The following TLCD4 variants were observed in gnomAD, a reference collection of about 807,000 sequenced individuals.
TLCD4 encodes TLC domain containing 4.
A neutral mutation model predicts 24.2 loss-of-function variants in TLCD4; 7 were observed. The observed-to-expected ratio is 0.29, with a 90% CI of 0.16 to 0.54. The LOEUF is 0.54. TLCD4 is among the 20% of genes least tolerant of loss of function. The pLI is 0.95. For missense variants in TLCD4, 259 were observed against 313.9 expected (o/e 0.82, Z 1.32); for synonymous variants, 103 against 106.4 (o/e 0.97, Z 0.20).
At chr1:95,189,728 A>G (rs1157014107) in intron 6 of TLCD4, among the ~76,000 whole-genome samples, 2 of 152,132 alleles carry the variant, frequency 1.3e-5, no homozygotes, top group Non-Finnish European at 1.5e-5. Context: ...GTTTATTTTT[A>G]TTGCTAAGTA....
intron 2 of TLCD4, among the ~76,000 whole-genome samples, chr1:95,144,385 T>C (rs1188796982): frequency 1.3e-5 from 2 of 152,128 alleles, no homozygotes; most frequent in Non-Finnish European, 2.9e-5. Flanking sequence ...GAAACAAAGA[T>C]GGAAGAAAAA....
At position 95,150,233 on chromosome 1, in the gene TLCD4, A is replaced by G; in HGVS notation, c.271A>G (p.Asn91Asp). ...LWGGPSLANVNIAIASGYLIS... is the reference protein window; with the variant it reads ...LWGGPSLANVDIAIASGYLIS... ...GGGTGGTCCATCACTTGCAAACGTG[A>G]ATATTGCTATTGCCTCAGGCTACCT... is the stretch of plus-strand genomic sequence containing the variant. Residue 91 changes from asparagine to aspartate, a missense_variant, in exon 4 of 7, where the codon AAT becomes GAT. Physicochemically the swap from Asn to Asp is conservative, Grantham distance 23. Coordinates refer to ENST00000370203, the MANE Select transcript of TLCD4 (RefSeq NM_152487.3). The G allele has an allele frequency of 6.2e-7, 1 of 1,610,458 alleles. No individual in the cohort carries two copies. Among genetic ancestry groups the G allele is most frequent in the Non-Finnish European group, 8.5e-7 (1 of 1,179,410 alleles).
Position 95,195,819 on chromosome 1 carries a change from G to A in TLCD4, c.*3951G>A, listed in dbSNP as rs1221131920. On this transcript the variant is annotated 3_prime_UTR_variant, in exon 7 of 7. Coordinates refer to ENST00000370203, the MANE Select transcript of TLCD4 (RefSeq NM_152487.3). ...AGAGTGCTTTTCCCTTAAACGCCGT[G>A]ATAGTCCTCCCTTGATCTAGAAGTA... The A allele has an allele frequency of 6.6e-6, 1 of 152,128 alleles. No individual in the cohort carries two copies. The allele number at this position is 152,128 out of a possible 1,614,324, so 9.4% of individuals were successfully genotyped here.
At chr1:95,145,462 A>G (rs1393063243) in intron 2 of TLCD4, among the ~76,000 whole-genome samples, 1 of 152,012 alleles carries the variant, frequency 6.6e-6, no homozygotes, top group Non-Finnish European at 1.5e-5. Flanking sequence ...AGTTCTTTTC[A>G]CCCAAAAAGC....
At chr1:95,153,837 C>T (rs1039803346) in intron 5 of TLCD4, among the ~76,000 whole-genome samples, 4 of 152,046 alleles carry the variant, frequency 2.6e-5, no homozygotes, top group African/African-American at 9.7e-5. Flanking sequence ...CTTGAAATGT[C>T]CCTGGAAATG....
rs927109782 is a variant in TLCD4 at position 95,191,944 on chromosome 1, G to C, written c.*76G>C. On this transcript the variant is annotated 3_prime_UTR_variant, in exon 7 of 7. Transcript: ENST00000370203. ...TAGGATGAATTCTTGGCATGTTCTT[G>C]TGTACCTTTCTTAATTATAATTGTT... The C allele has an allele frequency of 4.0e-6, 6 of 1,509,606 alleles. No homozygotes were observed. Among genetic ancestry groups the C allele is most frequent in the Admixed American group, 4.6e-5 (2 of 43,158 alleles). The allele number at this position is 1,509,606 out of a possible 1,614,324, so 93.5% of individuals were successfully genotyped here. A position where few individuals can be genotyped will look rare whatever the true frequency, so the allele number is the denominator to read the frequency against.
At chr1:95,123,689 A>C (rs1415498426) in intron 1 of TLCD4, among the ~76,000 whole-genome samples, 2 of 152,180 alleles carry the variant, frequency 1.3e-5, no homozygotes, top group African/African-American at 2.4e-5. Context: ...ATGTGCCCAG[A>C]GTTATTTAGT....
chr1:95,122,139 A>C (rs528708592), intron 1 of TLCD4, among the ~76,000 whole-genome samples: 4 of 152,300 alleles, frequency 2.6e-5, no homozygotes, highest in Admixed American at 6.5e-5. Flanking sequence ...AGATCACCTA[A>C]GTGAAGAGTT....
intron 2 of TLCD4, among the ~76,000 whole-genome samples, chr1:95,146,506 A>T (rs1291858605): frequency 6.6e-6 from 1 of 152,074 alleles, no homozygotes; most frequent in African/African-American, 2.4e-5. Context: ...TTAGAGTGCT[A>T]TCCCTTTATA....
At chr1:95,174,711 T>C (rs949587039) in intron 6 of TLCD4, among the ~76,000 whole-genome samples, 1 of 152,118 alleles carries the variant, frequency 6.6e-6, no homozygotes, top group African/African-American at 2.4e-5. Context: ...AGACTACTTT[T>C]ATTTTAAATA....
At chr1:95,155,171 G>A (rs1677599062) in intron 5 of TLCD4, among the ~76,000 whole-genome samples, 1 of 151,830 alleles carries the variant, frequency 6.6e-6, no homozygotes, top group Non-Finnish European at 1.5e-5. Context: ...TAAACCTCTG[G>A]TCTTAGCCAC....
At chr1:95,106,238 T>C in the TLCD4 span, among the ~76,000 whole-genome samples, 77,743 of 152,084 alleles carry the variant, frequency 0.51, 21,354 homozygotes, top group Non-Finnish European at 0.6. Context: ...TAAAAAATCC[T>C]GACATTTACT....
rs150859886 is a variant in TLCD4, at chr1:95,139,480, G to A, written c.-11-4411G>A. 1.0e-3 allele frequency among the ~76,000 whole-genome samples: 16 copies of A among 15,574 alleles called. 1 individual carries two copies. The highest frequency in any genetic ancestry group is 0.038 in the Middle Eastern group (1 of 26). 10.2% of individuals were successfully genotyped at this position (15,574 alleles called of 152,430 possible). Reference sequence around the variant, plus strand: ...ATTTTTTTTTTTTTTTTTTTTTTGAGACAGTTTCATTCTTGTCACCTAGGC... The same window carrying A: ...ATTTTTTTTTTTTTTTTTTTTTTGAAACAGTTTCATTCTTGTCACCTAGGC... On this transcript the variant is annotated intron_variant, in intron 1 of 6. Transcript: ENST00000370203.
intron 1 of TLCD4, among the ~76,000 whole-genome samples, chr1:95,118,278 C>T (rs1027505661): frequency 5.3e-5 from 8 of 152,156 alleles, no homozygotes; most frequent in African/African-American, 1.7e-4. Flanking sequence ...CTAAGTGCCT[C>T]GGTTTACCCA....
At chr1:95,137,208 A>G (rs577510396) in intron 1 of TLCD4, among the ~76,000 whole-genome samples, 1 of 152,262 alleles carries the variant, frequency 6.6e-6, no homozygotes, top group East Asian at 1.9e-4. Context: ...ATCTATTTTA[A>G]GAGGGAGAAC....
chr1:95,133,385 T>TAAAA (rs55802856), intron 1 of TLCD4, among the ~76,000 whole-genome samples: 1 of 148,474 alleles, frequency 6.7e-6, no homozygotes. Context: ...AAAGTATAAT[T>TAAAA]AAAAAAAAAA....
chr1:95,094,853 A>C, the TLCD4 span, among the ~76,000 whole-genome samples: 2 of 152,222 alleles, frequency 1.3e-5, no homozygotes, highest in South Asian at 2.1e-4. Context: ...CTTATCGCCT[A>C]TCCTGGATAA....
chr1:95,138,370 C>G (rs972424509), intron 1 of TLCD4: 2 of 152,126 alleles, frequency 1.3e-5, no homozygotes, highest in Non-Finnish European at 2.9e-5. Context: ...TTCCCAGGGC[C>G]CTATCTCTGG....
chr1:95,139,544 C>T (rs894950203), intron 1 of TLCD4, among the ~76,000 whole-genome samples: 3 of 142,494 alleles, frequency 2.1e-5, no homozygotes, highest in Non-Finnish European at 3.0e-5. Flanking sequence ...CTCCAGCCTC[C>T]GTCTCCCAGG....
Sources: allele counts gnomAD v4.1 joint callset (sites outside exome capture counted in the v4.1 genomes callset), GRCh38; gene constraint gnomAD v4.1.1; transcripts MANE v1.5; gene names NCBI Gene and HGNC (gene_info 2026-07-23, HGNC 2026-07-21).